Variants in HOOK3 observed in about 807,000 individuals in gnomAD.
HOOK3 encodes the protein protein Hook homolog 3.
A neutral mutation model predicts 116.3 loss-of-function variants in HOOK3; 24 were observed. That is an observed-to-expected ratio of 0.21 (90% CI 0.15 to 0.29). The LOEUF (loss-of-function observed/expected upper bound fraction) is 0.29, where lower values mean the gene tolerates loss of function less well. Ranked by LOEUF, HOOK3 falls within the 10% of genes least tolerant of loss-of-function variation. The pLI is 1.00. For synonymous variants in HOOK3, 275 were observed against 283.0 expected, an observed-to-expected ratio of 0.97 and a Z score of 0.28; for missense variants, 632 against 830.2, an observed-to-expected ratio of 0.76 and a Z score of 2.93.
rs1230854861 is a variant in HOOK3, at chr8:42,967,569, C to T, written c.921-444C>T. On this transcript the variant is annotated intron_variant, in intron 10 of 21. Transcript: ENST00000307602. ...TCTCTCCTTCATACACATGCACACG[C>T]GCATTTAGGTCTCTTTAATCTTAAA... is the stretch of plus-strand genomic sequence containing the variant. 4.6e-5 allele frequency among the ~76,000 whole-genome samples: 7 copies of T among 152,070 alleles called. No individual in the cohort carries two copies. The East Asian group carries it at 5.8e-4, about 13-fold the overall frequency.
intron 1 of HOOK3, among the ~76,000 whole-genome samples, chr8:42,903,959 A>G (rs895434604): frequency 1.3e-5 from 2 of 152,012 alleles, no homozygotes; most frequent in Non-Finnish European, 2.9e-5. Context: ...CCGTCTGAAA[A>G]ACAAAACAAA....
intron 8 of HOOK3, 37 bp downstream of exon 8, chr8:42,959,351 A>G: frequency 7.8e-7 from 1 of 1,287,024 alleles, no homozygotes; most frequent in Non-Finnish European, 1.1e-6. Flanking sequence ...TCTTTGAAAC[A>G]TACCACTGTA....
chr8:42,962,765 A>G (rs1808557957), intron 8 of HOOK3, among the ~76,000 whole-genome samples: 1 of 132,356 alleles, frequency 7.6e-6, no homozygotes, highest in African/African-American at 2.8e-5. Flanking sequence ...TCTGCCAAAT[A>G]TATTGACTTT....
chr8:42,977,799 G>A (rs1258830595), intron 13 of HOOK3, among the ~76,000 whole-genome samples: 1 of 152,138 alleles, frequency 6.6e-6, no homozygotes, highest in African/African-American at 2.4e-5. Context: ...CTCGGGAGGT[G>A]GATGCCACAG....
intron 4 of HOOK3, among the ~76,000 whole-genome samples, chr8:42,938,760 G>C (rs1033782603): frequency 1.3e-5 from 2 of 151,046 alleles, no homozygotes; most frequent in East Asian, 3.9e-4. Context: ...GGTGTTTCTC[G>C]CAGAGGGGGA....
intron 15 of HOOK3, among the ~76,000 whole-genome samples, chr8:42,991,183 G>T (rs1428641608): frequency 1.3e-5 from 2 of 152,054 alleles, no homozygotes; most frequent in Non-Finnish European, 2.9e-5. Context: ...TGCTGTTTTG[G>T]TTACTATAGC....
At chr8:43,003,479 T>A (rs1177664655) in intron 17 of HOOK3, among the ~76,000 whole-genome samples, 1 of 152,200 alleles carries the variant, frequency 6.6e-6, no homozygotes, top group African/African-American at 2.4e-5. Flanking sequence ...AAAAATATAA[T>A]ACCTGTCATT....
chr8:42,961,461 A>G (rs925883835), intron 8 of HOOK3, among the ~76,000 whole-genome samples: 1 of 152,180 alleles, frequency 6.6e-6, no homozygotes, highest in Admixed American at 6.5e-5. Flanking sequence ...TGGGTGACTG[A>G]GTGAAATGAA....
At chr8:42,918,950 G>A (rs1397940331) in intron 2 of HOOK3, among the ~76,000 whole-genome samples, 1 of 152,234 alleles carries the variant, frequency 6.6e-6, no homozygotes, top group African/African-American at 2.4e-5. Flanking sequence ...CCCAGGCGGG[G>A]TGGCGGCCGG....
In HOOK3 at chr8:42,966,528, A is replaced by T; in HGVS notation, c.835A>T (p.Ile279Phe). ...ACGTTGTGAAGAGTTAGAAAAGGAGATCTCTGAACTTCGGCAACAGAATGA... is the reference window on the plus strand; with the variant it reads ...ACGTTGTGAAGAGTTAGAAAAGGAGTTCTCTGAACTTCGGCAACAGAATGA... ...RIRCEELEKE[I>F]SELRQQNDEL... Residue 279 changes from isoleucine (I) to phenylalanine (F), a missense_variant, in exon 10 of 22, where the codon ATC becomes TTC. Ile to Phe is a conservative substitution (Grantham distance 21). Coordinates refer to ENST00000307602, the MANE Select transcript of HOOK3 (RefSeq NM_032410.4). The T allele has an allele frequency of 6.2e-7, 1 of 1,614,074 alleles. No individual in the cohort carries two copies. The highest frequency in any genetic ancestry group is 2.2e-5 in the East Asian group (1 of 44,880).
In HOOK3 at chr8:42,927,665, C is replaced by T. The variant is rs560672588; in HGVS notation, c.216+2036C>T. ...TCTCACCCAGGATAGAGTATAGTGG[C>T]ACAGTCTCAGCTCACTGCAACCTCC... On this transcript the variant is annotated intron_variant, in intron 3 of 21. Transcript: ENST00000307602. Among the ~76,000 whole-genome samples, 3 of 151,998 alleles carry T rather than the reference C, an allele frequency of 2.0e-5. No homozygotes were observed. In the South Asian group the frequency reaches 6.2e-4, roughly 32 times the overall value.
intron 6 of HOOK3, among the ~76,000 whole-genome samples, chr8:42,954,045 A>G (rs1808391064): frequency 6.6e-6 from 1 of 152,232 alleles, no homozygotes; most frequent in Non-Finnish European, 1.5e-5. Context: ...ATGGTATACT[A>G]GTATACTGGC....
At chr8:42,953,321 A>G (rs1414942216) in intron 6 of HOOK3, among the ~76,000 whole-genome samples, 2 of 151,424 alleles carry the variant, frequency 1.3e-5, no homozygotes, top group Non-Finnish European at 2.9e-5. Flanking sequence ...ATCCCAGCAC[A>G]TTGGGAGGTT....
In HOOK3 at chr8:42,990,325, C is replaced by CT. The variant is rs59033055; in HGVS notation, c.1532+3567dup. Among the ~76,000 whole-genome samples the CT allele has an allele frequency of 7.2e-3, 273 of 37,904 alleles. 105 individuals are homozygous for CT. Among genetic ancestry groups the CT allele is most frequent in the East Asian group, 0.021 (25 of 1,204 alleles). 24.9% of individuals were successfully genotyped at this position (37,904 alleles called of 152,430 possible). On this transcript the variant is annotated intron_variant, in intron 15 of 21. Coordinates refer to ENST00000307602, the MANE Select transcript of HOOK3 (RefSeq NM_032410.4). The stretch of plus-strand genomic sequence containing the variant: ...TTGAGAAATAAATATCTGTTTAGAT[C>CT]TTTTTTTTTTTTTTTTTTTTTTTTT...
intron 15 of HOOK3, among the ~76,000 whole-genome samples, chr8:42,990,577 G>C (rs898737382): frequency 4.3e-4 from 66 of 151,912 alleles, no homozygotes; most frequent in African/African-American, 1.5e-3. Flanking sequence ...CTGGGCTCAA[G>C]CAATCCACCC....
chr8:42,913,982 G>T (rs1644875198), intron 2 of HOOK3, among the ~76,000 whole-genome samples: 1 of 152,046 alleles, frequency 6.6e-6, no homozygotes, highest in Non-Finnish European at 1.5e-5. Context: ...TAAATGCTTT[G>T]CGCTGATTCA....
In HOOK3 at chr8:42,906,154, C is replaced by CG; in HGVS notation, c.58-19_58-18insG. ...GTAACCACAGAATCTCTCCCCCCCCCCTCTTTTTTTCCCTTCAGATCCAGA... is the reference window on the plus strand; with the variant it reads ...GTAACCACAGAATCTCTCCCCCCCCCGCTCTTTTTTTCCCTTCAGATCCAGA... On this transcript the variant is annotated intron_variant, in intron 1 of 21. Transcript: ENST00000307602. 9.1e-7 allele frequency: 1 copy of CG among 1,103,304 alleles called. No homozygotes were observed. The highest frequency in any genetic ancestry group is 1.3e-6 in the Non-Finnish European group (1 of 745,320). The allele number at this position is 1,103,304 out of a possible 1,614,324, so 68.3% of individuals were successfully genotyped here.
rs1331853677 is a variant in HOOK3 at position 42,990,373 on chromosome 8, C to A, written c.1532+3578C>A. Among the ~76,000 whole-genome samples the A allele has an allele frequency of 5.0e-5, 5 of 99,784 alleles. No homozygotes were observed. The East Asian group carries it at 1.9e-3, about 38-fold the overall frequency. 65.5% of individuals were successfully genotyped at this position (99,784 alleles called of 152,430 possible). A position where few individuals can be genotyped will look rare whatever the true frequency, so the allele number is the denominator to read the frequency against. ...TTTTTTTTTTTTTTTGAGGATCTCACTCCTTCACCCAGGCTGGAATGCAGT... is the reference window on the plus strand; with the variant it reads ...TTTTTTTTTTTTTTTGAGGATCTCAATCCTTCACCCAGGCTGGAATGCAGT... On this transcript the variant is annotated intron_variant, in intron 15 of 21. Coordinates refer to ENST00000307602, the MANE Select transcript of HOOK3 (RefSeq NM_032410.4).
chr8:42,908,858 CAG>C (rs940893998), intron 2 of HOOK3, among the ~76,000 whole-genome samples: 1 of 152,088 alleles, frequency 6.6e-6, no homozygotes, highest in African/African-American at 2.4e-5. Flanking sequence ...AAACAAGCAA[CAG>C]AGTAAAGAGA....
Sources: gnomAD v4.1 joint callset for allele counts (sites outside exome capture counted in the v4.1 genomes callset) on GRCh38, gnomAD v4.1.1 for gene constraint, MANE v1.5 for transcripts, NCBI Gene and HGNC (gene_info 2026-07-23, HGNC 2026-07-21) for gene names.